The following NAALADL2 variants were observed in gnomAD, a reference collection of about 807,000 sequenced individuals.
NAALADL2 encodes inactive N-acetylated-alpha-linked acidic dipeptidase-like protein 2.
A neutral mutation model predicts 87.2 loss-of-function variants in NAALADL2; 76 were observed. The observed-to-expected ratio is 0.87, with a 90% confidence interval of 0.72 to 1.05. The LOEUF is 1.05. Ranked by LOEUF, NAALADL2 falls within the 50% of genes least tolerant of loss-of-function variation. The pLI is 0.00. For synonymous variants in NAALADL2, 354 were observed against 331.0 expected (o/e 1.07, Z -0.75); for missense variants, 1,089 against 945.8 (o/e 1.15, Z -1.99).
Position 175,007,011 on chromosome 3 carries a change from C to G in NAALADL2, c.44-89779C>G, listed in dbSNP as rs140670360. On this transcript the variant is annotated intron_variant, in intron 1 of 13. Coordinates refer to ENST00000454872, the MANE Select transcript of NAALADL2 (RefSeq NM_207015.3). ...TAATCACAATAATTGCAAAATTAACCTTATTCATAGCTCATTATCTTAATA... is the reference window on the plus strand; with the variant it reads ...TAATCACAATAATTGCAAAATTAACGTTATTCATAGCTCATTATCTTAATA... Among the ~76,000 whole-genome samples the G allele has an allele frequency of 1.0e-2, 1,515 of 151,526 alleles. 13 individuals carry two copies. The highest frequency in any genetic ancestry group is 0.048 in the Middle Eastern group (14 of 292).
At chr3:174,715,673 A>C (rs1731116436) in intron 2 of NAALADL2, among the ~76,000 whole-genome samples, 1 of 152,186 alleles carries the variant, frequency 6.6e-6, no homozygotes, top group Non-Finnish European at 1.5e-5. Context: ...TGGTTATAGA[A>C]AGCATTCTTG....
At chr3:174,835,059 T>C (rs73047971) in intron 3 of NAALADL2, among the ~76,000 whole-genome samples, 24,806 of 151,860 alleles carry the variant, frequency 0.16, 2,405 homozygotes, top group African/African-American at 0.26. Context: ...TACTATAGAA[T>C]TAGAATAATC....
chr3:175,440,814 G>A (rs1719598217), intron 5 of NAALADL2, among the ~76,000 whole-genome samples: 1 of 151,998 alleles, frequency 6.6e-6, no homozygotes, highest in Non-Finnish European at 1.5e-5. Flanking sequence ...CTACTTATAT[G>A]ATCATGTCAT....
At chr3:174,751,207 ATATAT>A (rs1334935857) in intron 3 of NAALADL2, among the ~76,000 whole-genome samples, 1 of 152,090 alleles carries the variant, frequency 6.6e-6, no homozygotes, top group African/African-American at 2.4e-5. Flanking sequence ...GCCAATCCAG[ATATAT>A]TATATCATAT....
Position 175,496,731 on chromosome 3 carries a change from G to GT in NAALADL2, c.1653+24982dup, listed in dbSNP as rs202016748. Among the ~76,000 whole-genome samples, 135 of 150,224 alleles carry GT rather than the reference G, an allele frequency of 9.0e-4. 1 individual carries two copies. The South Asian group carries it at 0.011, about 12-fold the overall frequency. ...ACTACACCCAGCTATTTTTTGTGTG[G>GT]TTTTTTTTTGCAGAGACAGGGTTTT... On this transcript the variant is annotated intron_variant, in intron 9 of 13. Coordinates refer to ENST00000454872, the MANE Select transcript of NAALADL2 (RefSeq NM_207015.3).
chr3:175,699,910 T>G (rs1056916207), intron 11 of NAALADL2, among the ~76,000 whole-genome samples: 2 of 152,100 alleles, frequency 1.3e-5, no homozygotes, highest in African/African-American at 2.4e-5. Context: ...GGACAGGAGA[T>G]TCAAAGATGT....
intron 9 of NAALADL2, among the ~76,000 whole-genome samples, chr3:175,560,667 T>C (rs1279134712): frequency 6.6e-6 from 1 of 152,132 alleles, no homozygotes; most frequent in Non-Finnish European, 1.5e-5. Context: ...TTCAAGAAAG[T>C]TTTGTTTGCA....
intron 2 of NAALADL2, among the ~76,000 whole-genome samples, chr3:175,162,494 A>G (rs779779114): frequency 6.6e-6 from 1 of 152,156 alleles, no homozygotes; most frequent in Non-Finnish European, 1.5e-5. Context: ...AAAAAATACC[A>G]GAAGTTCTTA....
intron 1 of NAALADL2, among the ~76,000 whole-genome samples, chr3:174,889,670 A>G (rs959687240): frequency 6.6e-6 from 1 of 152,182 alleles, no homozygotes; most frequent in Non-Finnish European, 1.5e-5. Flanking sequence ...ATAATTGACA[A>G]GGCATGACTA....
At chr3:175,312,325 C>T (rs1215075773) in intron 4 of NAALADL2, among the ~76,000 whole-genome samples, 4 of 151,900 alleles carry the variant, frequency 2.6e-5, no homozygotes, top group African/African-American at 9.7e-5. Context: ...ATGTCAGGTT[C>T]ATGTTTTTTT....
intron 4 of NAALADL2, among the ~76,000 whole-genome samples, chr3:175,320,696 A>C (rs2110392527): frequency 6.6e-6 from 1 of 152,328 alleles, no homozygotes; most frequent in South Asian, 2.1e-4. Flanking sequence ...TCCTTTTAAA[A>C]TAAGCAAACA....
chr3:175,279,481 A>T (rs748857522), intron 4 of NAALADL2, among the ~76,000 whole-genome samples: 1 of 151,842 alleles, frequency 6.6e-6, no homozygotes, highest in Non-Finnish European at 1.5e-5. Context: ...AATTAAAAAC[A>T]TGAGGTTTTT....
chr3:174,468,850 C>T (rs971205190), intron 1 of NAALADL2, among the ~76,000 whole-genome samples: 1 of 151,196 alleles, frequency 6.6e-6, no homozygotes, highest in Non-Finnish European at 1.5e-5. Flanking sequence ...GCAGTCTCCG[C>T]CTCCCGGGTT....
intron 1 of NAALADL2, among the ~76,000 whole-genome samples, chr3:175,033,108 T>G (rs1415507698): frequency 6.6e-6 from 1 of 151,644 alleles, no homozygotes; most frequent in Non-Finnish European, 1.5e-5. Flanking sequence ...GATGGAAGAG[T>G]AAATGAGATA....
intron 5 of NAALADL2, chr3:175,397,221 G>A (rs918012100): frequency 1.9e-4 from 29 of 151,904 alleles, no homozygotes; most frequent in African/African-American, 6.8e-4. Context: ...AATTTTTTTA[G>A]TTGTTATTAT....
At chr3:175,038,792 T>C (rs1197342431) in intron 1 of NAALADL2, among the ~76,000 whole-genome samples, 1 of 152,200 alleles carries the variant, frequency 6.6e-6, no homozygotes, top group African/African-American at 2.4e-5. Flanking sequence ...TTTCTTTTTT[T>C]TTTTAAGCTT....
In NAALADL2 at chr3:174,492,775, G is replaced by T. The variant is rs1325842868; in HGVS notation, c.-184+51743G>T. Among the ~76,000 whole-genome samples the T allele has an allele frequency of 2.0e-5, 3 of 152,128 alleles. No homozygotes were observed. In the East Asian group the frequency reaches 5.8e-4, roughly 29 times the overall value. The stretch of plus-strand genomic sequence containing the variant: ...TACTAAGACAAAATAAGACAACATA[G>T]AATCAGAGATTTTGATCTTATGAAA... On this transcript the variant is annotated intron_variant, in intron 1 of 3. Transcript: ENST00000434257.
chr3:175,176,300 G>T (rs1338685282), intron 2 of NAALADL2, among the ~76,000 whole-genome samples: 1 of 151,856 alleles, frequency 6.6e-6, no homozygotes, highest in African/African-American at 2.4e-5. Context: ...AGCAACACTT[G>T]GTTTACTAAA....
In NAALADL2 at chr3:175,621,007, G is replaced by A. The variant is rs1487029419; in HGVS notation, c.1801-6284G>A. Among the ~76,000 whole-genome samples the A allele has an allele frequency of 3.3e-5, 5 of 152,236 alleles. No individual in the cohort carries two copies. In the East Asian group the frequency reaches 9.7e-4, roughly 30 times the overall value. On this transcript the variant is annotated intron_variant, in intron 10 of 13. Transcript: ENST00000454872. ...TTGGAATAAGGAGGCTCTGACCGGAGGTATTTTTGGAAAAGGCAACATTCA... is the reference window on the plus strand; with the variant it reads ...TTGGAATAAGGAGGCTCTGACCGGAAGTATTTTTGGAAAAGGCAACATTCA...
Sources: gnomAD v4.1 joint callset for allele counts (sites outside exome capture counted in the v4.1 genomes callset) on GRCh38, gnomAD v4.1.1 for gene constraint, MANE v1.5 for transcripts, NCBI Gene and HGNC (gene_info 2026-07-23, HGNC 2026-07-21) for gene names.